Variants in VAV2 observed in about 807,000 individuals in gnomAD.
VAV2 encodes the protein vav guanine nucleotide exchange factor 2.
VAV2 carries 67 observed loss-of-function variants against 132.5 expected under a neutral mutation model. That is an observed-to-expected ratio of 0.51 (90% confidence interval 0.42 to 0.62). VAV2 has a LOEUF of 0.62. Ranked by LOEUF, VAV2 falls within the 20% of genes least tolerant of loss-of-function variation. The probability of loss-of-function intolerance (pLI) is 0.00; values close to 1 mark genes in which losing one functional copy is unlikely to be tolerated. For missense variants in VAV2, 938 were observed against 1,153.6 expected, an observed-to-expected ratio of 0.81 and a Z score of 2.71; for synonymous variants, 492 against 443.5, an observed-to-expected ratio of 1.11 and a Z score of -1.37.
intron 4 of VAV2, among the ~76,000 whole-genome samples, chr9:133,820,334 T>TC (rs1392127834): frequency 1.3e-5 from 2 of 151,652 alleles, no homozygotes; most frequent in African/African-American, 2.4e-5. Flanking sequence ...TTTTTCTTTT[T>TC]TTTTTTTTTG....
At chr9:133,859,013 C>T (rs1588277871) in intron 3 of VAV2, among the ~76,000 whole-genome samples, 1 of 152,292 alleles carries the variant, frequency 6.6e-6, no homozygotes, top group African/African-American at 2.4e-5. Context: ...CTGCTCTGCC[C>T]ATCCTGGGAG....
chr9:133,985,040 C>T (rs1358882366), intron 1 of VAV2, among the ~76,000 whole-genome samples: 1 of 152,074 alleles, frequency 6.6e-6, no homozygotes, highest in Non-Finnish European at 1.5e-5. Context: ...TTCTATCTGG[C>T]AGCACTGATA....
chr9:133,839,981 C>T (rs973473661), intron 3 of VAV2, among the ~76,000 whole-genome samples: 4 of 152,156 alleles, frequency 2.6e-5, no homozygotes, highest in African/African-American at 9.7e-5. Context: ...CTAGCTCCAC[C>T]CCCCACTCCC....
chr9:133,870,707 G>C (rs931742639), intron 2 of VAV2, among the ~76,000 whole-genome samples: 2 of 151,718 alleles, frequency 1.3e-5, no homozygotes, highest in African/African-American at 4.8e-5. Flanking sequence ...ATAAGTGGGT[G>C]GGTGGGTGAA....
At position 133,768,675 on chromosome 9, in the gene VAV2, G is replaced by A. The variant is rs964449273; in HGVS notation, c.2435-79C>T. The A allele has an allele frequency of 1.3e-6, 2 of 1,526,878 alleles. No individual in the cohort carries two copies. The highest frequency in any genetic ancestry group is 1.8e-6 in the Non-Finnish European group (2 of 1,137,382). 94.6% of individuals were successfully genotyped at this position (1,526,878 alleles called of 1,614,324 possible). ...ATCCAGGAGGCCCTTGGGCCAAGCT[G>A]GGTCTCTCCCCTGGTGCCCAGAACC... On this transcript the variant is annotated intron_variant, in intron 28 of 29. Transcript: ENST00000371850. The surrounding 1 kb of genome is among the most constrained non-coding windows in gnomAD (Gnocchi z 5.3).
At chr9:133,938,148 G>A (rs1840994316) in intron 2 of VAV2, among the ~76,000 whole-genome samples, 1 of 152,162 alleles carries the variant, frequency 6.6e-6, no homozygotes, top group Non-Finnish European at 1.5e-5. Context: ...TGATAATGAT[G>A]CTCAAATAAA....
chr9:133,851,512 ACAT>A (rs1837165802), intron 3 of VAV2, among the ~76,000 whole-genome samples: 1 of 152,232 alleles, frequency 6.6e-6, no homozygotes, highest in Non-Finnish European at 1.5e-5. Context: ...TCATCCACCC[ACAT>A]CATATTGTTC....
chr9:133,925,590 G>C (rs1328556100), intron 2 of VAV2, among the ~76,000 whole-genome samples: 2 of 152,322 alleles, frequency 1.3e-5, no homozygotes, highest in East Asian at 3.9e-4. Flanking sequence ...CCCAGGGGCA[G>C]AGTGGCCAAG....
chr9:133,797,608 T>C, intron 10 of VAV2, 102 bp downstream of exon 10: 1 of 1,055,044 alleles, frequency 9.5e-7, no homozygotes, highest in East Asian at 2.6e-5. Context: ...CATCACCACC[T>C]TCCCAACAAA....
chr9:133,920,553 C>T (rs561107252), intron 2 of VAV2, among the ~76,000 whole-genome samples: 1 of 152,284 alleles, frequency 6.6e-6, no homozygotes, highest in East Asian at 1.9e-4. Context: ...CCTGAGGCCA[C>T]ATGGAAAAGC....
At chr9:133,877,015 C>T (rs1157047496) in intron 2 of VAV2, among the ~76,000 whole-genome samples, 1 of 152,074 alleles carries the variant, frequency 6.6e-6, no homozygotes, top group Non-Finnish European at 1.5e-5. Flanking sequence ...CTTGGTGTGG[C>T]CTTCAGCAAG....
At chr9:133,871,625 T>C (rs1278553826) in intron 2 of VAV2, among the ~76,000 whole-genome samples, 4 of 152,064 alleles carry the variant, frequency 2.6e-5, no homozygotes, top group African/African-American at 4.8e-5. Context: ...CTCATACCTA[T>C]CTCCCTGAGT....
rs1199450170 is a variant in VAV2 at position 133,812,160 on chromosome 9, T to C, written c.506A>G (p.Asp169Gly). 3.7e-6 allele frequency: 6 copies of C among 1,613,652 alleles called. No individual in the cohort carries two copies. Among genetic ancestry groups the C allele is most frequent in the Admixed American group, 1.7e-5 (1 of 59,986 alleles). Reference sequence around the variant, plus strand: ...CTTGATGATGTCCTCGTAGATGTCGTCCCCTCCATCCTCACACGGGACGCA... The same window carrying C: ...CTTGATGATGTCCTCGTAGATGTCGCCCCCTCCATCCTCACACGGGACGCA... ...YDCVPCEDGG[D>G]DIYEDIIKVE... is the part of the protein sequence containing the mutation. The change falls in exon 5 of 30, where the codon GAC (aspartate) becomes GGC (glycine). Residue 169 changes from aspartate (D) to glycine (G), a missense_variant. Asp to Gly is a moderately conservative substitution (Grantham distance 94, BLOSUM62 -1). Transcript: ENST00000371850.
At chr9:133,979,527 A>G (rs972518282) in intron 1 of VAV2, among the ~76,000 whole-genome samples, 1 of 152,178 alleles carries the variant, frequency 6.6e-6, no homozygotes, top group Non-Finnish European at 1.5e-5. Context: ...GAACTCGGAC[A>G]GAGGATGTTG....
intron 2 of VAV2, among the ~76,000 whole-genome samples, chr9:133,911,534 C>T (rs1011291373): frequency 2.6e-5 from 4 of 152,230 alleles, no homozygotes; most frequent in East Asian, 1.9e-4. Context: ...ACACTGTCAA[C>T]ACAGTCAAGA....
intron 2 of VAV2, among the ~76,000 whole-genome samples, chr9:133,868,646 C>T (rs567912283): frequency 2.0e-5 from 3 of 152,378 alleles, no homozygotes; most frequent in Non-Finnish European, 4.4e-5. Flanking sequence ...AGGCTCAGGG[C>T]CAGAAGCGTG....
At chr9:133,952,701 A>T (rs1241998489) in intron 1 of VAV2, among the ~76,000 whole-genome samples, 1 of 152,148 alleles carries the variant, frequency 6.6e-6, no homozygotes, top group Non-Finnish European at 1.5e-5. Context: ...AAGACAGAAG[A>T]CAAGAGGCCG....
chr9:133,851,903 G>A lies in VAV2; in HGVS notation c.380+9471C>T, dbSNP rs202079912. On this transcript the variant is annotated intron_variant, in intron 3 of 29. Coordinates refer to ENST00000371850, the MANE Select transcript of VAV2 (RefSeq NM_001134398.2). ...TGGATGGATGCATGGATGGATGGAT[G>A]GATGGGTGGATGGATGGATGGATGG... 1.3e-4 allele frequency among the ~76,000 whole-genome samples: 18 copies of A among 143,538 alleles called. 1 individual carries two copies. The East Asian group carries it at 3.5e-3, about 28-fold the overall frequency. The allele number at this position is 143,538 out of a possible 152,430, so 94.2% of individuals were successfully genotyped here.
At position 133,762,463 on chromosome 9, in the gene VAV2, G is replaced by A. The variant is rs1216891981; in HGVS notation, c.*1599C>T. The A allele has an allele frequency of 6.6e-6, 1 of 152,168 alleles. No homozygotes were observed. Among genetic ancestry groups the A allele is most frequent in the Admixed American group, 6.6e-5 (1 of 15,264 alleles). 9.4% of individuals were successfully genotyped at this position (152,168 alleles called of 1,614,324 possible). A position where few individuals can be genotyped will look rare whatever the true frequency, so the allele number is the denominator to read the frequency against. ...AACCAAAACACAAGACCTTTCTGAC[G>A]ACAGTAAACACAGGGGCTGCTGGCT... On this transcript the variant is annotated 3_prime_UTR_variant, in exon 30 of 30. Coordinates refer to ENST00000371850, the MANE Select transcript of VAV2 (RefSeq NM_001134398.2). The surrounding 1 kb of genome is among the most constrained non-coding windows in gnomAD (Gnocchi z 5.0).
Sources: gnomAD v4.1 joint callset for allele counts (sites outside exome capture counted in the v4.1 genomes callset) on GRCh38, gnomAD v4.1.1 for gene constraint, Gnocchi (gnomAD v3.1) non-coding constraint, MANE v1.5 for transcripts, NCBI Gene and HGNC (gene_info 2026-07-23, HGNC 2026-07-21) for gene names.